Variants in MUC3A observed in about 807,000 individuals in gnomAD.
MUC3A encodes the protein mucin 3A, cell surface associated, also known as mucin-3A.
Under a neutral mutation model 109.0 loss-of-function variants are expected in MUC3A, and 109 were observed. The observed-to-expected ratio is 1.00, with a 90% CI of 0.86 to 1.17. The LOEUF (loss-of-function observed/expected upper bound fraction) is 1.17. Among genes scored for constraint, MUC3A ranks in the 50% most tolerant of loss-of-function variants. The pLI is 0.00. For synonymous variants in MUC3A, 1,398 were observed against 981.4 expected (o/e 1.42, Z -7.93); for missense variants, 3,537 against 2,469.4 (o/e 1.43, Z -9.16).
In MUC3A at chr7:100,959,292, A is replaced by G. The variant is rs1412359863; in HGVS notation, c.7513A>G (p.Thr2505Ala). The G allele has an allele frequency of 2.5e-6, 4 of 1,586,188 alleles. No individual in the cohort carries two copies. Among genetic ancestry groups the G allele is most frequent in the Non-Finnish European group, 3.4e-6 (4 of 1,173,060 alleles). The change falls in exon 2 of 12, where the codon ACA becomes GCA. Residue 2505 changes from threonine (T) to alanine (A), a missense_variant. Physicochemically the swap from Thr to Ala is moderately conservative, Grantham distance 58. Coordinates refer to ENST00000379458, the MANE Select transcript of MUC3A (RefSeq NM_005960.2). ...TGTGGGCACCAGCACTTCATTGACT[A>G]CAACCACAGACTTTCCCTCTATACC... ...SSVGTSTSLTTTTDFPSIPTD... is the reference protein window; with the variant it reads ...SSVGTSTSLTATTDFPSIPTD...
Position 100,955,437 on chromosome 7 carries a change from C to T in MUC3A, c.3658C>T (p.Leu1220Phe). Reference protein sequence around the residue: ...STGFLTTATDLTSTFTVSSSS... With the variant: ...STGFLTTATDFTSTFTVSSSS... ...CGGTTTCCTGACTACAGCAACAGAC[C>T]TCACATCAACATTCACTGTTTCCAG... is the stretch of plus-strand genomic sequence containing the variant. Residue 1220 changes from leucine (L) to phenylalanine (F), a missense_variant, in exon 2 of 12, where the codon CTC becomes TTC. By Grantham distance (22) the Leu-to-Phe change is conservative. Transcript: ENST00000379458. 1 of 589,182 alleles carries T rather than the reference C, an allele frequency of 1.7e-6. No individual in the cohort carries two copies. Among genetic ancestry groups the T allele is most frequent in the South Asian group, 2.2e-5 (1 of 45,674 alleles). 36.5% of individuals were successfully genotyped at this position (589,182 alleles called of 1,614,324 possible). A position where few individuals can be genotyped will look rare whatever the true frequency, so the allele number is the denominator to read the frequency against.
In MUC3A at chr7:100,960,586, G is replaced by A. The variant is rs375708208; in HGVS notation, c.8807G>A (p.Arg2936His). Residue 2936 changes from arginine (R) to histidine (H), a missense_variant, in exon 2 of 12, where the codon CGC (arginine) becomes CAC (histidine). Arg to His is a conservative substitution (Grantham distance 29). Coordinates refer to ENST00000379458, the MANE Select transcript of MUC3A (RefSeq NM_005960.2). Reference sequence around the variant, plus strand: ...CAGACTCCTACCACCCTTACATCACGCAGGACAACTCGCATCACTTCTCAG... The same window carrying A: ...CAGACTCCTACCACCCTTACATCACACAGGACAACTCGCATCACTTCTCAG... Reference protein sequence around the residue: ...TTQTPTTLTSRRTTRITSQMT... With the variant: ...TTQTPTTLTSHRTTRITSQMT... The A allele has an allele frequency of 1.9e-4, 298 of 1,598,572 alleles. No homozygotes were observed. Among genetic ancestry groups the A allele is most frequent in the Non-Finnish European group, 2.3e-4 (277 of 1,179,798 alleles).
At position 100,954,876 on chromosome 7, in the gene MUC3A, A is replaced by G. The variant is rs903908478; in HGVS notation, c.3097A>G (p.Thr1033Ala). 2.1e-6 allele frequency: 1 copy of G among 487,130 alleles called. No individual in the cohort carries two copies. The highest frequency in any genetic ancestry group is 3.6e-6 in the Non-Finnish European group (1 of 277,756). The allele number at this position is 487,130 out of a possible 1,614,324, so 30.2% of individuals were successfully genotyped here. A position where few individuals can be genotyped will look rare whatever the true frequency, so the allele number is the denominator to read the frequency against. Reference sequence around the variant, plus strand: ...AACTACAACCTATTGGCCCACAGCCACTAATACATTATCACCACTCACCAG... The same window carrying G: ...AACTACAACCTATTGGCCCACAGCCGCTAATACATTATCACCACTCACCAG... ...MRTTTYWPTATNTLSPLTSSI... is the reference protein window; with the variant it reads ...MRTTTYWPTAANTLSPLTSSI... Residue 1033 changes from threonine (T) to alanine (A), a missense_variant, in exon 2 of 12, where the codon ACT becomes GCT. Transcript: ENST00000379458.
intron 7 of MUC3A, 140 bp downstream of exon 7, chr7:100,965,487 G>C: frequency 6.8e-7 from 1 of 1,463,352 alleles, no homozygotes; most frequent in Non-Finnish European, 9.2e-7. Context: ...CCTTCCTGGC[G>C]CTGGTTAGTG....
intron 4 of MUC3A, 86 bp downstream of exon 4, chr7:100,963,352 C>T: frequency 1.9e-6 from 2 of 1,068,406 alleles, no homozygotes; most frequent in Non-Finnish European, 1.3e-6. Flanking sequence ...ATGGTGCGAT[C>T]TTGGGTCACT....
At chr7:100,961,082 C>T (rs1170555669) in intron 3 of MUC3A, 145 bp downstream of exon 3, 1 of 1,521,602 alleles carries the variant, frequency 6.6e-7, no homozygotes, top group Non-Finnish European at 8.7e-7. Flanking sequence ...ATGCCCTCCG[C>T]TGCCCTGTGT....
At chr7:100,966,274 C>CA (rs1370257676) in intron 8 of MUC3A, 112 bp from the exon 9 acceptor site, 3 of 949,498 alleles carry the variant, frequency 3.2e-6, no homozygotes, top group Admixed American at 1.1e-4. Flanking sequence ...GTGGAACCCC[C>CA]CGCTGCCCTA....
chr7:100,951,859 C>T lies in MUC3A; in HGVS notation c.80C>T (p.Thr27Ile). 1 of 1,597,156 alleles carries T rather than the reference C, an allele frequency of 6.3e-7. No homozygotes were observed. Among genetic ancestry groups the T allele is most frequent in the Non-Finnish European group, 8.5e-7 (1 of 1,178,382 alleles). Residue 27 changes from threonine to isoleucine, a missense_variant, in exon 2 of 12, where the codon ACA (threonine) becomes ATA (isoleucine). Transcript: ENST00000379458. ...AATGCAGGAACTTTATCCACGGCCACATCCATCTCTCAAGTGCCTTTCCCC... is the reference window on the plus strand; with the variant it reads ...AATGCAGGAACTTTATCCACGGCCATATCCATCTCTCAAGTGCCTTTCCCC... ...PWATGTLSTA[T>I]SISQVPFPRA...
chr7:100,959,805 T>C lies in MUC3A; in HGVS notation c.8026T>C (p.Ser2676Pro). Residue 2676 changes from serine (S) to proline (P), a missense_variant, in exon 2 of 12, where the codon TCT becomes CCT. Physicochemically the swap from Ser to Pro is moderately conservative, Grantham distance 74 (BLOSUM62 -1). Coordinates refer to ENST00000379458, the MANE Select transcript of MUC3A (RefSeq NM_005960.2). ...TACGTCTACAAATGCAATCTTGACT[T>C]CTTTTAGTACCATCATCTGGTCCTC... Reference protein sequence around the residue: ...GSTSTNAILTSFSTIIWSSTP... With the variant: ...GSTSTNAILTPFSTIIWSSTP... 1 of 1,591,748 alleles carries C rather than the reference T, an allele frequency of 6.3e-7. No homozygotes were observed. The highest frequency in any genetic ancestry group is 8.5e-7 in the Non-Finnish European group (1 of 1,176,420).
Position 100,954,805 on chromosome 7 carries a change from C to A in MUC3A, c.3026C>A (p.Pro1009His), listed in dbSNP as rs1792058213. The change falls in exon 2 of 12, where the codon CCC becomes CAC. Residue 1009 changes from proline (P) to histidine (H), a missense_variant. Transcript: ENST00000379458. ...ACAACAGCCATGACTTCTCCTCCCC[C>A]CGTCAGTTCTTCAATCACTCCCACC... The part of the protein sequence containing the change: ...SLTTAMTSPP[P>H]VSSSITPTNT... 4.9e-6 allele frequency: 2 copies of A among 404,748 alleles called. No homozygotes were observed. Among genetic ancestry groups the A allele is most frequent in the East Asian group, 7.1e-5 (2 of 28,160 alleles). The allele number at this position is 404,748 out of a possible 1,614,324, so 25.1% of individuals were successfully genotyped here.
Position 100,966,635 on chromosome 7 carries a change from G to A in MUC3A, c.9786-17G>A. 1.3e-6 allele frequency: 2 copies of A among 1,598,486 alleles called. No individual in the cohort carries two copies. The highest frequency in any genetic ancestry group is 1.7e-6 in the Non-Finnish European group (2 of 1,179,790). Reference sequence around the variant, plus strand: ...AGGCGGGCCGGCTCTGTCTGACCGCGCGGCGGCCCCACCTAGGTCCTGGGA... The same window carrying A: ...AGGCGGGCCGGCTCTGTCTGACCGCACGGCGGCCCCACCTAGGTCCTGGGA... On this transcript the variant is annotated splice_polypyrimidine_tract_variant and intron_variant, in intron 9 of 11. Transcript: ENST00000379458.
rs1435541545 is a variant in MUC3A, at chr7:100,959,361, T to C, written c.7582T>C (p.Ser2528Pro). 2 of 1,540,568 alleles carry C rather than the reference T, an allele frequency of 1.3e-6. No homozygotes were observed. The highest frequency in any genetic ancestry group is 3.8e-5 in the Admixed American group (2 of 52,714). The change falls in exon 2 of 12, where the codon TCT becomes CCT. Residue 2528 changes from serine to proline, a missense_variant. Ser to Pro is a moderately conservative substitution (Grantham distance 74). Coordinates refer to ENST00000379458, the MANE Select transcript of MUC3A (RefSeq NM_005960.2). ...TLPTRTHIIS[S>P]SPSIQSTETS... The stretch of plus-strand genomic sequence containing the variant: ...ACCAACTCGAACACACATCATTTCA[T>C]CTTCTCCCTCCATCCAAAGTACAGA...
rs1416321849 is a variant in MUC3A, at chr7:100,963,765, T to C, written c.9233+13T>C. 21 of 1,598,564 alleles carry C rather than the reference T, an allele frequency of 1.3e-5. No homozygotes were observed. In the South Asian group the frequency reaches 1.6e-4, roughly 13 times the overall value. On this transcript the variant is annotated intron_variant, in intron 5 of 11. Coordinates refer to ENST00000379458, the MANE Select transcript of MUC3A (RefSeq NM_005960.2). ...TCCTGTCCCTGAGGTAGGAGACCCA[T>C]CTGGGGATGCGGAGGCGGTGTTGGG... is the stretch of plus-strand genomic sequence containing the variant.
rs988748948 is a variant in MUC3A at position 100,965,404 on chromosome 7, G to A, written c.9448+57G>A. On this transcript the variant is annotated intron_variant, in intron 7 of 11. Coordinates refer to ENST00000379458, the MANE Select transcript of MUC3A (RefSeq NM_005960.2). ...CCGCGGCTATGATCCGGGCTACCAG[G>A]GACATTTGCCCATTGAAGCCTGTGG... The A allele has an allele frequency of 3.8e-6, 6 of 1,570,196 alleles. No individual in the cohort carries two copies. In the African/African-American group the frequency reaches 8.1e-5, roughly 21 times the overall value.
chr7:100,967,490 T>G lies in MUC3A; in HGVS notation c.*328T>G. The G allele has an allele frequency of 1.8e-6, 1 of 556,232 alleles. No homozygotes were observed. Among genetic ancestry groups the G allele is most frequent in the Non-Finnish European group, 3.2e-6 (1 of 313,292 alleles). The allele number at this position is 556,232 out of a possible 1,614,324, so 34.5% of individuals were successfully genotyped here. A position where few individuals can be genotyped will look rare whatever the true frequency, so the allele number is the denominator to read the frequency against. ...GTGAAAACCACATAGACTTGGTCAA[T>G]TCTCGGTCCTACTCTGCCCTCCCGT... On this transcript the variant is annotated 3_prime_UTR_variant, in exon 12 of 12. Transcript: ENST00000379458.
Position 100,966,570 on chromosome 7 carries a change from G to T in MUC3A, c.9785+11G>T, listed in dbSNP as rs764273277. ...CCAGCGCCGAGGCCGGTGAGCGTGC[G>T]GGGGGCGGGGCCGGGGGGCGAGGGC... On this transcript the variant is annotated intron_variant, in intron 9 of 11. Coordinates refer to ENST00000379458, the MANE Select transcript of MUC3A (RefSeq NM_005960.2). 1,903 of 1,513,554 alleles carry T rather than the reference G, an allele frequency of 1.3e-3. No individual in the cohort carries two copies. Among genetic ancestry groups the T allele is most frequent in the Non-Finnish European group, 1.5e-3 (1,712 of 1,141,224 alleles). 93.8% of individuals were successfully genotyped at this position (1,513,554 alleles called of 1,614,324 possible). A position where few individuals can be genotyped will look rare whatever the true frequency, so the allele number is the denominator to read the frequency against.
chr7:100,949,830 C>A (rs947339382), intron 1 of MUC3A, 145 bp downstream of exon 1: 1 of 477,682 alleles, frequency 2.1e-6, no homozygotes, highest in Non-Finnish European at 2.8e-6. Context: ...AACCGAGGCA[C>A]GGCCTGACTG....
chr7:100,967,080 C>A, intron 11 of MUC3A, 41 bp from the exon 12 acceptor site: 4 of 1,598,532 alleles, frequency 2.5e-6, no homozygotes, highest in Non-Finnish European at 3.4e-6. Flanking sequence ...CAGCCCAAAC[C>A]AGTGGCTCCG....
chr7:100,959,396 C>T lies in MUC3A; in HGVS notation c.7617C>T (p.Ser2539=), dbSNP rs774155553. 2.6e-6 allele frequency: 4 copies of T among 1,536,296 alleles called. No homozygotes were observed. Among genetic ancestry groups the T allele is most frequent in the Non-Finnish European group, 2.6e-6 (3 of 1,152,304 alleles). ...CCATCCAAAGTACAGAAACCTCATC[C>T]CTTGTGGGCACCACCTCTCCCACCA... ...SPSIQSTETS[S]LVGTTSPTMS... The change falls in exon 2 of 12, where the codon TCC becomes TCT. Residue 2539 remains serine, a synonymous_variant. Coordinates refer to ENST00000379458, the MANE Select transcript of MUC3A (RefSeq NM_005960.2).
Sources: allele counts gnomAD v4.1 joint callset, GRCh38; gene constraint gnomAD v4.1.1; transcripts MANE v1.5; gene names NCBI Gene and HGNC (gene_info 2026-07-23, HGNC 2026-07-21).